RYR3: variants seen among roughly 807,000 people sequenced by gnomAD.
RYR3 encodes brain ryanodine receptor-calcium release channel.
Under a neutral mutation model 584.3 loss-of-function variants are expected in RYR3, and 207 were observed. The observed-to-expected ratio is 0.35, with a 90% CI of 0.32 to 0.40. The LOEUF (loss-of-function observed/expected upper bound fraction) is 0.40, where lower values mean the gene tolerates loss of function less well. RYR3 is among the 10% of genes least tolerant of loss of function. RYR3 has a pLI of 1.00. For missense variants in RYR3, 5,616 were observed against 6,089.2 expected (o/e 0.92, Z 2.59); for synonymous variants, 2,416 against 2,248.5 (o/e 1.07, Z -2.11).
chr15:33,722,541 A>T, intron 43 of RYR3, 174 bp from the exon 44 acceptor site: 1 of 631,106 alleles, frequency 1.6e-6, no homozygotes, highest in Non-Finnish European at 2.8e-6. Context: ...GACCACAATC[A>T]GTTACAGATG....
chr15:33,406,528 C>T (rs1244576450), intron 1 of RYR3, among the ~76,000 whole-genome samples: 1 of 152,196 alleles, frequency 6.6e-6, no homozygotes, highest in African/African-American at 2.4e-5. Flanking sequence ...TCAAAGATAA[C>T]CTTTCAAGAG....
Position 33,857,815 on chromosome 15 carries a change from T to G in RYR3, c.14043T>G (p.Val4681=), listed in dbSNP as rs758013658. 8 of 1,614,198 alleles carry G rather than the reference T, an allele frequency of 5.0e-6. No homozygotes were observed. Among genetic ancestry groups the G allele is most frequent in the Non-Finnish European group, 6.8e-6 (8 of 1,180,012 alleles). The change falls in exon 99 of 104, where the codon GTT becomes GTG. Residue 4681 remains valine, a synonymous_variant. Transcript: ENST00000634891. The stretch of plus-strand genomic sequence containing the variant: ...CTGTCGGTCTCCTGGCCGTGGTGGT[T>G]TATCTCTATACTGTGGTGGCTTTCA... ...VLTVGLLAVV[V]YLYTVVAFNF...
chr15:33,543,580 T>TA (rs768783022), intron 7 of RYR3, 42 bp from the exon 8 acceptor site: 816 of 1,285,224 alleles, frequency 6.3e-4, no homozygotes, highest in Non-Finnish European at 8.6e-4. Context: ...TTCTCTTCAT[T>TA]AAACTTCCCA....
At chr15:33,791,905 G>T (rs1303477631) in intron 67 of RYR3, among the ~76,000 whole-genome samples, 1 of 152,164 alleles carries the variant, frequency 6.6e-6, no homozygotes, top group African/African-American at 2.4e-5. Flanking sequence ...GTGGGTACTA[G>T]ATAGGAGGAA....
At chr15:33,385,710 C>CTTTTTTTTTTTTTTTTTTTCTTTTTTT (rs10682215) in intron 1 of RYR3, among the ~76,000 whole-genome samples, 1 of 131,402 alleles carries the variant, frequency 7.6e-6, no homozygotes, top group South Asian at 2.4e-4. Context: ...TTTTTCTTTT[C>CTTTTTTTTTTTTTTTTTTTCTTTTTTT]TTTTTTTTTT....
In RYR3 at chr15:33,597,618, C is replaced by A. The variant is rs374982951; in HGVS notation, c.1789-3801C>A. ...AGTGCAACAGTGTGAGACTCTGTCT[C>A]AAAAAAAAAAAAAAGATTTTACTTA... On this transcript the variant is annotated intron_variant, in intron 16 of 103. Coordinates refer to ENST00000634891, the MANE Select transcript of RYR3 (RefSeq NM_001036.6). Among the ~76,000 whole-genome samples the A allele has an allele frequency of 3.2e-3, 415 of 127,720 alleles. 1 individual carries two copies. Among genetic ancestry groups the A allele is most frequent in the East Asian group, 4.9e-3 (23 of 4,692 alleles). 83.8% of individuals were successfully genotyped at this position (127,720 alleles called of 152,430 possible). A position where few individuals can be genotyped will look rare whatever the true frequency, so the allele number is the denominator to read the frequency against.
chr15:33,789,753 C>T, intron 67 of RYR3, among the ~76,000 whole-genome samples: 1 of 125,652 alleles, frequency 8.0e-6, no homozygotes, highest in Non-Finnish European at 1.6e-5. Flanking sequence ...CGGCTCACTG[C>T]AAGCTCCGCC....
chr15:33,379,906 A>G (rs11072423), intron 1 of RYR3, among the ~76,000 whole-genome samples: 12,414 of 151,850 alleles, frequency 0.082, 1,105 homozygotes, highest in African/African-American at 0.23. Flanking sequence ...TGCAATTCCC[A>G]GAGTCCAAAG....
Position 33,853,686 on chromosome 15 carries a change from C to T in RYR3, c.13799+4C>T. 6.2e-7 allele frequency: 1 copy of T among 1,611,452 alleles called. No homozygotes were observed. Among genetic ancestry groups the T allele is most frequent in the Non-Finnish European group, 8.5e-7 (1 of 1,178,924 alleles). On this transcript the variant is annotated splice_donor_region_variant and intron_variant, in intron 96 of 103. Coordinates refer to ENST00000634891, the MANE Select transcript of RYR3 (RefSeq NM_001036.6). ...AAGCGGCTTCTCTGGTGTCATGGTA[C>T]AAAAAGCTTAGGAGTTCAAATCCAA...
chr15:33,706,294 T>C (rs1177804076), intron 42 of RYR3, among the ~76,000 whole-genome samples: 1 of 152,252 alleles, frequency 6.6e-6, no homozygotes. Flanking sequence ...AATACTTTTG[T>C]AATGTTGTTG....
intron 11 of RYR3, among the ~76,000 whole-genome samples, chr15:33,566,247 C>A (rs2057708245): frequency 6.6e-6 from 1 of 152,190 alleles, no homozygotes; most frequent in Non-Finnish European, 1.5e-5. Flanking sequence ...CAAGCCTAAT[C>A]CCAGTACAGA....
chr15:33,587,594 T>G (rs1378608357), intron 16 of RYR3, among the ~76,000 whole-genome samples: 1 of 152,224 alleles, frequency 6.6e-6, no homozygotes, highest in Admixed American at 6.5e-5. Flanking sequence ...TGATCTGATA[T>G]GTTATCAGAG....
intron 67 of RYR3, among the ~76,000 whole-genome samples, chr15:33,792,422 CT>C (rs1165489484): frequency 7.2e-5 from 11 of 152,142 alleles, no homozygotes; most frequent in African/African-American, 2.4e-4. Context: ...GCCTTCAGCC[CT>C]TCACACTGAC....
At chr15:33,368,561 A>C (rs564751950) in intron 1 of RYR3, among the ~76,000 whole-genome samples, 1 of 152,004 alleles carries the variant, frequency 6.6e-6, no homozygotes, top group Non-Finnish European at 1.5e-5. Flanking sequence ...AAGTGATGAC[A>C]TGGATGGATG....
intron 69 of RYR3, among the ~76,000 whole-genome samples, chr15:33,806,980 G>C (rs563842058): frequency 6.7e-6 from 1 of 149,542 alleles, no homozygotes; most frequent in East Asian, 2.0e-4. Context: ...CAAATTCCTA[G>C]CTTCAAGTGA....
At chr15:33,450,362 G>A (rs1403766418) in intron 1 of RYR3, among the ~76,000 whole-genome samples, 2 of 152,178 alleles carry the variant, frequency 1.3e-5, no homozygotes, top group Admixed American at 1.3e-4. Flanking sequence ...CTAGAAGGCA[G>A]AGAGGGCAGG....
intron 3 of RYR3, among the ~76,000 whole-genome samples, chr15:33,528,351 G>C (rs1190612019): frequency 6.6e-6 from 1 of 152,120 alleles, no homozygotes; most frequent in Non-Finnish European, 1.5e-5. Context: ...CCCCATATGT[G>C]CTTTATTCTT....
intron 6 of RYR3, among the ~76,000 whole-genome samples, chr15:33,539,904 G>A (rs1264374056): frequency 6.6e-6 from 1 of 152,104 alleles, no homozygotes; most frequent in Non-Finnish European, 1.5e-5. Context: ...TTGAACAGGA[G>A]GAAGAGAAGG....
In RYR3 at chr15:33,739,912, TA is replaced by T; in HGVS notation, c.7738del (p.Thr2580ProfsTer27). On this transcript the variant is annotated frameshift_variant, in exon 51 of 104. Transcript: ENST00000634891. LOFTEE classifies it high-confidence loss of function. ...AGALPPDYLD[T>X]RITATLEKQI... ...GGGCCTTGCCACCAGATTATTTAGA[TA>T]CCAGAATCACAGCCACGTTGGAGAA... 1 of 1,613,804 alleles carries T rather than the reference TA, an allele frequency of 6.2e-7. No homozygotes were observed. Among genetic ancestry groups the T allele is most frequent in the Non-Finnish European group, 8.5e-7 (1 of 1,179,816 alleles).
Sources: gnomAD v4.1 joint callset for allele counts (sites outside exome capture counted in the v4.1 genomes callset) on GRCh38, gnomAD v4.1.1 for gene constraint, MANE v1.5 for transcripts, NCBI Gene and HGNC (gene_info 2026-07-23, HGNC 2026-07-21) for gene names.